DNAH9: variants seen among roughly 807,000 people sequenced by gnomAD.
DNAH9 encodes DNAH9 variant protein.
DNAH9 carries 345 observed loss-of-function variants against 471.6 expected under a neutral mutation model. That is an observed-to-expected ratio of 0.73 (90% CI 0.67 to 0.80). DNAH9 has a LOEUF of 0.80. DNAH9 is among the 30% of genes least tolerant of loss of function. The pLI is 0.00. For missense variants in DNAH9, 5,407 were observed against 5,609.2 expected, an observed-to-expected ratio of 0.96 and a Z score of 1.15; for synonymous variants, 2,093 against 2,123.6, an observed-to-expected ratio of 0.99 and a Z score of 0.40.
At chr17:11,925,057 T>G in intron 62 of DNAH9, 2 of 392,098 alleles carry the variant, frequency 5.1e-6, no homozygotes, top group Non-Finnish European at 1.0e-5. Context: ...ATGCATAGCT[T>G]GCTCCTCTTT....
chr17:11,958,136 T>C (rs1430244881), intron 67 of DNAH9, among the ~76,000 whole-genome samples: 3 of 152,154 alleles, frequency 2.0e-5, no homozygotes, highest in Non-Finnish European at 4.4e-5. Context: ...CTTAAACACA[T>C]ACTACTAAGT....
At chr17:11,759,611 C>T (rs1332393869) in intron 35 of DNAH9, among the ~76,000 whole-genome samples, 2 of 149,834 alleles carry the variant, frequency 1.3e-5, no homozygotes, top group African/African-American at 2.5e-5. Context: ...CAACCTCCAC[C>T]TCCTGGGTTC....
In DNAH9 at chr17:11,649,703, T is replaced by G. The variant is rs377644315; in HGVS notation, c.2098-1366T>G. The stretch of plus-strand genomic sequence containing the variant: ...TCAAATAGTTTCCAGACTGTTGAAC[T>G]AAAAGAAAAAAACTCAATGTTGTTC... On this transcript the variant is annotated intron_variant, in intron 12 of 68. Transcript: ENST00000262442. Among the ~76,000 whole-genome samples, 9 of 152,268 alleles carry G rather than the reference T, an allele frequency of 5.9e-5. No individual in the cohort carries two copies. In the East Asian group the frequency reaches 1.5e-3, roughly 26 times the overall value.
chr17:11,706,409 C>T (rs1361738444), intron 26 of DNAH9, among the ~76,000 whole-genome samples: 1 of 152,038 alleles, frequency 6.6e-6, no homozygotes, highest in Non-Finnish European at 1.5e-5. Flanking sequence ...ATTTTCTGCC[C>T]TTAAAGTCCA....
chr17:11,880,171 G>C lies in DNAH9; in HGVS notation c.10572G>C (p.Leu3524=), dbSNP rs776373529. ...EESIDPVLGP[L]LGREVIKKGR... is the part of the protein sequence containing the mutation. The stretch of plus-strand genomic sequence containing the variant: ...CCATTGATCCTGTTCTGGGACCCCT[G>C]CTTGGGAGAGAAGTCATTAAAAAAG... Residue 3524 remains leucine (L), a synonymous_variant, in exon 54 of 69, where the codon CTG becomes CTC. Coordinates refer to ENST00000262442, the MANE Select transcript of DNAH9 (RefSeq NM_001372.4). The C allele has an allele frequency of 9.3e-6, 15 of 1,613,744 alleles. No individual in the cohort carries two copies. The highest frequency in any genetic ancestry group is 1.3e-5 in the Non-Finnish European group (15 of 1,179,872).
chr17:11,849,618 T>C (rs543943255), intron 49 of DNAH9, among the ~76,000 whole-genome samples: 40 of 152,318 alleles, frequency 2.6e-4, no homozygotes, highest in African/African-American at 9.4e-4. Context: ...GAGCTGGCCA[T>C]TTCCCATCAT....
intron 50 of DNAH9, among the ~76,000 whole-genome samples, chr17:11,861,011 G>T (rs1169826919): frequency 1.3e-5 from 2 of 149,812 alleles, no homozygotes; most frequent in African/African-American, 4.9e-5. Context: ...TTACATTGAT[G>T]TGCTTAGCTG....
chr17:11,894,622 C>G (rs566001783), intron 59 of DNAH9, 126 bp downstream of exon 59: 1 of 1,273,490 alleles, frequency 7.9e-7, no homozygotes, highest in Admixed American at 2.4e-5. Flanking sequence ...TAAACATAGG[C>G]GCATCCCTTT....
rs539659412 is a variant in DNAH9, at chr17:11,635,875, C to T, written c.1636-759C>T. On this transcript the variant is annotated intron_variant, in intron 8 of 68. Coordinates refer to ENST00000262442, the MANE Select transcript of DNAH9 (RefSeq NM_001372.4). ...GGCACCTGCTCTCAGAAACTATTTC[C>T]TTGTTCCCATTCTCAAATTTTTGCC... is the stretch of plus-strand genomic sequence containing the variant. Among the ~76,000 whole-genome samples the T allele has an allele frequency of 1.4e-4, 21 of 152,174 alleles. 1 individual carries two copies. Among genetic ancestry groups the T allele is most frequent in the Non-Finnish European group, 3.1e-4 (21 of 68,030 alleles).
chr17:11,957,772 TTG>T (rs1408974931), intron 67 of DNAH9, among the ~76,000 whole-genome samples: 6 of 152,188 alleles, frequency 3.9e-5, no homozygotes, highest in African/African-American at 1.4e-4. Context: ...TTGAAATGTT[TTG>T]TGTCTTGACT....
chr17:11,890,142 G>T, intron 57 of DNAH9, among the ~76,000 whole-genome samples: 1 of 152,062 alleles, frequency 6.6e-6, no homozygotes, highest in South Asian at 2.1e-4. Flanking sequence ...ACTGATTACT[G>T]TTATTTTGAT....
intron 49 of DNAH9, among the ~76,000 whole-genome samples, chr17:11,837,934 T>A (rs1185219891): frequency 6.6e-6 from 1 of 152,190 alleles, no homozygotes; most frequent in African/African-American, 2.4e-5. Context: ...ACTATCTCCA[T>A]GGTTCCCCAC....
At chr17:11,614,263 G>A (rs2072696413) in intron 4 of DNAH9, among the ~76,000 whole-genome samples, 1 of 152,044 alleles carries the variant, frequency 6.6e-6, no homozygotes, top group Non-Finnish European at 1.5e-5. Flanking sequence ...ATTAGGCATG[G>A]TCAGGGTCGT....
intron 26 of DNAH9, among the ~76,000 whole-genome samples, chr17:11,713,661 T>C (rs2074911990): frequency 1.3e-5 from 2 of 152,242 alleles, no homozygotes; most frequent in African/African-American, 2.4e-5. Flanking sequence ...ATTTAAGAAA[T>C]CTTTGCCTAA....
intron 61 of DNAH9, among the ~76,000 whole-genome samples, chr17:11,913,854 G>T (rs550096002): frequency 2.5e-4 from 38 of 151,778 alleles, no homozygotes; most frequent in African/African-American, 8.7e-4. Context: ...TAATTCTTTT[G>T]ACTTCTTTCT....
intron 27 of DNAH9, among the ~76,000 whole-genome samples, chr17:11,722,095 A>T (rs2075069700): frequency 6.6e-6 from 1 of 152,132 alleles, no homozygotes; most frequent in Admixed American, 6.5e-5. Flanking sequence ...GAGGAGAAAA[A>T]GGGTGCGAGG....
At position 11,875,074 on chromosome 17, in the gene DNAH9, C is replaced by A; in HGVS notation, c.10368C>A (p.Leu3456=). ...DRMSVENATI[L]INCERWPLMV... is the part of the protein sequence containing the mutation. Reference sequence around the variant, plus strand: ...TGTCCGTGGAGAATGCCACCATTCTCATCAACTGTGAGCGCTGGCCACTCA... The same window carrying A: ...TGTCCGTGGAGAATGCCACCATTCTAATCAACTGTGAGCGCTGGCCACTCA... The change falls in exon 53 of 69, where the codon CTC becomes CTA. Residue 3456 remains leucine, a synonymous_variant. Transcript: ENST00000262442. 1 of 1,614,140 alleles carries A rather than the reference C, an allele frequency of 6.2e-7. No individual in the cohort carries two copies. Among genetic ancestry groups the A allele is most frequent in the Middle Eastern group, 1.6e-4 (1 of 6,062 alleles).
intron 9 of DNAH9, 90 bp from the exon 10 acceptor site, chr17:11,640,180 A>C (rs748780425): frequency 1.6e-5 from 12 of 737,566 alleles, no homozygotes; most frequent in Non-Finnish European, 2.3e-5. Context: ...TAATGAGGCA[A>C]AAGTGGAGTA....
In DNAH9 at chr17:11,652,869, G is replaced by A; in HGVS notation, c.2462G>A (p.Trp821Ter). The change falls in exon 14 of 69, where the codon TGG becomes TAG. Residue 821 changes from tryptophan (W) to a stop codon, truncating the protein, a stop_gained. Transcript: ENST00000262442. LOFTEE classifies it high-confidence loss of function. ...VEEIQNIMKT[W>*]VTPIFKTKDG... ...GAGATCCAAAACATCATGAAAACATGGGTGACTCCAATATTTAAGACAAAA... is the reference window on the plus strand; with the variant it reads ...GAGATCCAAAACATCATGAAAACATAGGTGACTCCAATATTTAAGACAAAA... 1 of 1,614,024 alleles carries A rather than the reference G, an allele frequency of 6.2e-7. No individual in the cohort carries two copies. The highest frequency in any genetic ancestry group is 1.1e-5 in the South Asian group (1 of 91,074).
Sources: allele counts gnomAD v4.1 joint callset (sites outside exome capture counted in the v4.1 genomes callset), GRCh38; gene constraint gnomAD v4.1.1; transcripts MANE v1.5; gene names NCBI Gene and HGNC (gene_info 2026-07-23, HGNC 2026-07-21).